The following CCDC178 variants were observed in gnomAD, a reference collection of about 807,000 sequenced individuals.
CCDC178 encodes the protein coiled-coil domain containing 178, also known as coiled-coil domain-containing protein 178.
Under a neutral mutation model 117.4 loss-of-function variants are expected in CCDC178, and 126 were observed. The observed-to-expected ratio is 1.07, with a 90% CI of 0.93 to 1.24. The LOEUF (loss-of-function observed/expected upper bound fraction) is 1.24. CCDC178 is among the 50% of genes most tolerant of loss of function. CCDC178 has a pLI of 0.00. For synonymous variants in CCDC178, 283 were observed against 313.4 expected (o/e 0.90, Z 1.02); for missense variants, 1,030 against 986.9 (o/e 1.04, Z -0.59).
intron 20 of CCDC178, among the ~76,000 whole-genome samples, chr18:33,118,527 T>C (rs1429505901): frequency 7.2e-5 from 11 of 151,924 alleles, no homozygotes; most frequent in Non-Finnish European, 1.3e-4. Context: ...AAACCACTGC[T>C]CAATGAAATA....
At chr18:33,418,579 TA>T (rs111702364) in intron 2 of CCDC178, among the ~76,000 whole-genome samples, 22,852 of 145,936 alleles carry the variant, frequency 0.16, 1,742 homozygotes, top group East Asian at 0.2. Flanking sequence ...TTTCTATATC[TA>T]AAAAAAAAAA....
Position 33,329,874 on chromosome 18 carries a change from AGAGTGTGTGT to A in CCDC178, c.879+3290_879+3299del, listed in dbSNP as rs1171188344. Among the ~76,000 whole-genome samples the A allele has an allele frequency of 5.4e-3, 409 of 75,432 alleles. 1 individual carries two copies. Among genetic ancestry groups the A allele is most frequent in the African/African-American group, 0.021 (394 of 18,984 alleles). The allele number at this position is 75,432 out of a possible 152,430, so 49.5% of individuals were successfully genotyped here. A position where few individuals can be genotyped will look rare whatever the true frequency, so the allele number is the denominator to read the frequency against. ...AGAGTTTGAGAGTTGGAGAATTATT[AGAGTGTGTGT>A]GTGTGTGTGTGTGTGTGTGTGTGTG... On this transcript the variant is annotated intron_variant, in intron 10 of 22. Transcript: ENST00000383096.
Position 33,279,009 on chromosome 18 carries a change from G to A in CCDC178, c.1177-11712C>T, listed in dbSNP as rs377004691. Among the ~76,000 whole-genome samples the A allele has an allele frequency of 8.4e-4, 128 of 152,180 alleles. 2 individuals carry two copies. The East Asian group carries it at 0.017, about 20-fold the overall frequency. ...CCACAGCCAATATCATACTGAATGG[G>A]CAAAAACTGGAAGCATTCCCTTTGA... On this transcript the variant is annotated intron_variant, in intron 12 of 22. Coordinates refer to ENST00000383096, the MANE Select transcript of CCDC178 (RefSeq NM_001105528.4).
chr18:32,968,938 T>C (rs9966315), intron 22 of CCDC178, among the ~76,000 whole-genome samples: 163 of 152,154 alleles, frequency 1.1e-3, no homozygotes, highest in African/African-American at 3.8e-3. Context: ...ACTATCCCTA[T>C]ATCTAGTTGT....
chr18:33,179,674 CCAAT>C (rs1214859710), intron 20 of CCDC178, among the ~76,000 whole-genome samples: 2 of 151,936 alleles, frequency 1.3e-5, no homozygotes, highest in Non-Finnish European at 2.9e-5. Context: ...GCAATGTTTA[CCAAT>C]CAAATTGTTT....
intron 20 of CCDC178, among the ~76,000 whole-genome samples, chr18:33,183,317 T>C (rs1026463561): frequency 1.3e-5 from 2 of 152,002 alleles, no homozygotes; most frequent in Admixed American, 6.6e-5. Flanking sequence ...TTAAGCTCCA[T>C]TGCCTTTTCT....
chr18:33,367,459 T>G (rs2063227008), intron 6 of CCDC178, among the ~76,000 whole-genome samples: 1 of 152,088 alleles, frequency 6.6e-6, no homozygotes, highest in African/African-American at 2.4e-5. Context: ...TCTTTCCAGT[T>G]GTGCCTGCTT....
intron 3 of CCDC178, among the ~76,000 whole-genome samples, chr18:33,397,855 T>G (rs867003487): frequency 3.3e-5 from 5 of 152,258 alleles, no homozygotes; most frequent in Admixed American, 6.5e-5. Flanking sequence ...GTATAACTTA[T>G]GTAGGAACAT....
At chr18:33,438,539 G>A (rs1171247239) in intron 2 of CCDC178, among the ~76,000 whole-genome samples, 1 of 145,082 alleles carries the variant, frequency 6.9e-6, no homozygotes, top group African/African-American at 2.5e-5. Flanking sequence ...ACACACACAC[G>A]GCAAACACAC....
chr18:33,203,978 C>A (rs992386454), intron 20 of CCDC178, among the ~76,000 whole-genome samples: 2 of 152,232 alleles, frequency 1.3e-5, no homozygotes, highest in East Asian at 1.9e-4. Context: ...ACTTCTTGAA[C>A]AAATAACCTC....
intron 20 of CCDC178, among the ~76,000 whole-genome samples, chr18:33,168,959 A>G (rs1445335320): frequency 1.3e-5 from 2 of 152,170 alleles, no homozygotes; most frequent in African/African-American, 4.8e-5. Context: ...TTTGACAGCT[A>G]TTGTTCAGTG....
chr18:33,302,613 C>A (rs544682204), intron 11 of CCDC178, among the ~76,000 whole-genome samples: 1 of 152,130 alleles, frequency 6.6e-6, no homozygotes, highest in Non-Finnish European at 1.5e-5. Context: ...TGGAATCAAC[C>A]TAGGTGTCCC....
chr18:33,086,968 TGACACACA>T (rs1373015689), intron 21 of CCDC178, among the ~76,000 whole-genome samples: 3 of 79,180 alleles, frequency 3.8e-5, no homozygotes, highest in African/African-American at 1.9e-4. Flanking sequence ...AGCTATTGGT[TGACACACA>T]CACACACACA....
intron 14 of CCDC178, among the ~76,000 whole-genome samples, chr18:33,262,915 T>G (rs1367798870): frequency 6.6e-6 from 1 of 152,180 alleles, no homozygotes; most frequent in Admixed American, 6.6e-5. Context: ...AACCTGAATA[T>G]AGAAAGTCAG....
chr18:33,295,109 G>A (rs2062090693), intron 11 of CCDC178, among the ~76,000 whole-genome samples: 1 of 151,974 alleles, frequency 6.6e-6, no homozygotes, highest in Admixed American at 6.6e-5. Context: ...ATTGGCAGAG[G>A]GATAGCCAAA....
At chr18:33,062,625 C>T (rs141121330) in intron 21 of CCDC178, among the ~76,000 whole-genome samples, 6 of 152,266 alleles carry the variant, frequency 3.9e-5, no homozygotes, top group African/African-American at 1.4e-4. Context: ...GCAATTCCAG[C>T]CAAGGGAGAG....
chr18:33,265,751 A>T (rs2059804783), intron 14 of CCDC178, among the ~76,000 whole-genome samples: 1 of 151,944 alleles, frequency 6.6e-6, no homozygotes, highest in Non-Finnish European at 1.5e-5. Context: ...AGGGGAATTG[A>T]TCATACTTAT....
At chr18:33,175,167 C>T (rs1243428244) in intron 20 of CCDC178, among the ~76,000 whole-genome samples, 1 of 151,992 alleles carries the variant, frequency 6.6e-6, no homozygotes, top group Non-Finnish European at 1.5e-5. Context: ...TAAGCCACCG[C>T]ACCTGGCCTC....
intron 22 of CCDC178, among the ~76,000 whole-genome samples, chr18:32,947,181 T>A (rs546062271): frequency 1.3e-5 from 2 of 152,216 alleles, no homozygotes; most frequent in African/African-American, 4.8e-5. Context: ...AACATAACAA[T>A]AACAAAGCAG....
Sources: gnomAD v4.1 joint callset for allele counts (sites outside exome capture counted in the v4.1 genomes callset) on GRCh38, gnomAD v4.1.1 for gene constraint, MANE v1.5 for transcripts, NCBI Gene and HGNC (gene_info 2026-07-23, HGNC 2026-07-21) for gene names.